PDE3A: variants seen among roughly 807,000 people sequenced by gnomAD.
The protein encoded by PDE3A is phosphodiesterase 3A.
PDE3A carries 43 observed loss-of-function variants against 98.3 expected under a neutral mutation model. The ratio of observed to expected loss-of-function variants is 0.44; its 90% CI spans 0.34 to 0.56. PDE3A has a LOEUF of 0.56. Ranked by LOEUF, PDE3A falls within the 20% of genes least tolerant of loss-of-function variation. PDE3A has a pLI of 0.01. For missense variants in PDE3A, 1,427 were observed against 1,440.7 expected, an observed-to-expected ratio of 0.99 and a Z score of 0.15; for synonymous variants, 663 against 567.9, an observed-to-expected ratio of 1.17 and a Z score of -2.38.
At chr12:20,427,111 A>T (rs923478574) in intron 1 of PDE3A, among the ~76,000 whole-genome samples, 2 of 152,224 alleles carry the variant, frequency 1.3e-5, no homozygotes, top group Admixed American at 6.5e-5. Flanking sequence ...AATTTCAGAA[A>T]TTCTTCCAAT....
intron 4 of PDE3A, among the ~76,000 whole-genome samples, chr12:20,618,137 G>C (rs1000440683): frequency 6.6e-6 from 1 of 152,044 alleles, no homozygotes; most frequent in Non-Finnish European, 1.5e-5. Flanking sequence ...GAAAAGTACT[G>C]ATGTAAAAAT....
chr12:20,665,928 G>C (rs1017620358), intron 15 of PDE3A, among the ~76,000 whole-genome samples: 9 of 148,584 alleles, frequency 6.1e-5, no homozygotes, highest in South Asian at 2.2e-4. Context: ...AGGATATTTA[G>C]AATATCTGTC....
At chr12:20,424,486 T>C (rs181342339) in intron 1 of PDE3A, among the ~76,000 whole-genome samples, 58 of 152,306 alleles carry the variant, frequency 3.8e-4, no homozygotes, top group Non-Finnish European at 7.1e-4. Flanking sequence ...TTTAAACATA[T>C]GTTCAGGATT....
intron 1 of PDE3A, among the ~76,000 whole-genome samples, chr12:20,503,675 A>T (rs1406033978): frequency 1.3e-5 from 2 of 152,170 alleles, no homozygotes; most frequent in East Asian, 3.9e-4. Context: ...GTCCAGATGC[A>T]TGTTATTATG....
At chr12:20,592,784 G>C (rs1267986151) in intron 2 of PDE3A, among the ~76,000 whole-genome samples, 1 of 152,176 alleles carries the variant, frequency 6.6e-6, no homozygotes, top group Non-Finnish European at 1.5e-5. Flanking sequence ...GTAGGAGGTT[G>C]TGAGGACTAG....
chr12:20,422,314 A>G (rs1052095506), intron 1 of PDE3A, among the ~76,000 whole-genome samples: 1 of 152,064 alleles, frequency 6.6e-6, no homozygotes, highest in Non-Finnish European at 1.5e-5. Flanking sequence ...ACTGCACTCC[A>G]GCCTGGGCAA....
Position 20,634,958 on chromosome 12 carries a change from G to C in PDE3A, c.1903G>C (p.Asp635His), listed in dbSNP as rs1177411012. Residue 635 changes from aspartate to histidine, a missense_variant, in exon 8 of 16, where the codon GAC (aspartate) becomes CAC (histidine). Physicochemically the swap from Asp to His is moderately conservative, Grantham distance 81. Coordinates refer to ENST00000359062, the MANE Select transcript of PDE3A (RefSeq NM_000921.5). ...AACCAATAACAACAGTGACAGCAGTGACATTGTACAGAATGAAGATGAAAC... is the reference window on the plus strand; with the variant it reads ...AACCAATAACAACAGTGACAGCAGTCACATTGTACAGAATGAAGATGAAAC... ...YETNNNSDSS[D>H]IVQNEDETEC... The C allele has an allele frequency of 1.9e-6, 3 of 1,611,206 alleles. No homozygotes were observed. Among genetic ancestry groups the C allele is most frequent in the Non-Finnish European group, 2.5e-6 (3 of 1,177,534 alleles).
intron 1 of PDE3A, among the ~76,000 whole-genome samples, chr12:20,452,162 GCAT>G (rs1945076183): frequency 6.6e-6 from 1 of 152,188 alleles, no homozygotes; most frequent in Non-Finnish European, 1.5e-5. Context: ...TCCTCTGCAT[GCAT>G]CAGACTAGTT....
intron 1 of PDE3A, among the ~76,000 whole-genome samples, chr12:20,514,291 A>G (rs1946277426): frequency 6.6e-6 from 1 of 151,562 alleles, no homozygotes; most frequent in Non-Finnish European, 1.5e-5. Context: ...ACTGATTGAC[A>G]TGGTTTGGGA....
At position 20,552,379 on chromosome 12, in the gene PDE3A, G is replaced by T; in HGVS notation, c.961-4281G>T. Reference sequence around the variant, plus strand: ...GTGGCGCTACCTTCTGCGGAGGGACGATGATGAGCCCGGCCCTTGGACGAA... The same window carrying T: ...GTGGCGCTACCTTCTGCGGAGGGACTATGATGAGCCCGGCCCTTGGACGAA... On this transcript the variant is annotated intron_variant, in intron 1 of 15. Coordinates refer to ENST00000359062, the MANE Select transcript of PDE3A (RefSeq NM_000921.5). The surrounding 1 kb of genome is among the most constrained non-coding windows in gnomAD (Gnocchi z 5.1). 1.2e-6 allele frequency: 2 copies of T among 1,613,628 alleles called. No homozygotes were observed. The highest frequency in any genetic ancestry group is 3.3e-5 in the Admixed American group (2 of 60,016).
intron 1 of PDE3A, among the ~76,000 whole-genome samples, chr12:20,377,006 A>C (rs79449831): frequency 0.023 from 3,428 of 151,816 alleles, 59 homozygotes; most frequent in East Asian, 0.038. Context: ...AAGGGCACTC[A>C]TGTTCTTTCC....
At chr12:20,610,738 C>T (rs897005101) in intron 2 of PDE3A, among the ~76,000 whole-genome samples, 1 of 151,882 alleles carries the variant, frequency 6.6e-6, no homozygotes, top group Non-Finnish European at 1.5e-5. Flanking sequence ...TTTGCCATAA[C>T]ATAGATGGAC....
rs1945921903 is a variant in PDE3A, at chr12:20,685,184, T to C, written c.*4913T>C. Among the ~76,000 whole-genome samples, 1 of 151,982 alleles carries C rather than the reference T, an allele frequency of 6.6e-6. No individual in the cohort carries two copies. The highest frequency in any genetic ancestry group is 2.1e-4 in the South Asian group (1 of 4,824). ...TCCCAGCACTTTGGGAGGCCAAGGC[T>C]GGTGGATCACCTGAGGTCGGGAGTT... On this transcript the variant is annotated 3_prime_UTR_variant, in exon 16 of 16. Coordinates refer to ENST00000359062, the MANE Select transcript of PDE3A (RefSeq NM_000921.5).
intron 1 of PDE3A, among the ~76,000 whole-genome samples, chr12:20,428,074 T>C (rs977336863): frequency 8.2e-4 from 125 of 152,140 alleles, no homozygotes; most frequent in Non-Finnish European, 9.3e-4. Flanking sequence ...TAAGGAATTG[T>C]TTCTATACAT....
chr12:20,440,017 T>C (rs1021730088), intron 1 of PDE3A, among the ~76,000 whole-genome samples: 23 of 152,200 alleles, frequency 1.5e-4, no homozygotes, highest in Admixed American at 1.3e-4. Context: ...TCTGTGTACA[T>C]TCTTTCTGAT....
In PDE3A at chr12:20,613,558, C is replaced by T. The variant is rs754794380; in HGVS notation, c.1127C>T (p.Ala376Val). 5.6e-6 allele frequency: 9 copies of T among 1,614,034 alleles called. No homozygotes were observed. Among genetic ancestry groups the T allele is most frequent in the Middle Eastern group, 1.6e-4 (1 of 6,082 alleles). Residue 376 changes from alanine (A) to valine (V), a missense_variant, in exon 3 of 16, where the codon GCC becomes GTC. By Grantham distance (64) the Ala-to-Val change is moderately conservative. Around this residue, in one of 3 missense-constraint regions of PDE3A, gnomAD observed 1,012 missense variants for 886.5 expected, o/e 1.14. Coordinates refer to ENST00000359062, the MANE Select transcript of PDE3A (RefSeq NM_000921.5). ...LPPNVCTSLRAVSNLLSTQLT... is the reference protein window; with the variant it reads ...LPPNVCTSLRVVSNLLSTQLT... ...CCAAACGTGTGCACATCCTTGAGAG[C>T]CGTGAGCAACTTGCTCAGCACACAG...
rs945420939 is a variant in PDE3A at position 20,543,297 on chromosome 12, G to A, written c.961-13363G>A. Among the ~76,000 whole-genome samples the A allele has an allele frequency of 8.6e-5, 13 of 151,290 alleles. No homozygotes were observed. In the East Asian group the frequency reaches 1.5e-3, roughly 18 times the overall value. ...AACAGGCCTAACTATCAATTGCATT[G>A]GAAATTTGATTGTGTTTCCAACTAA... On this transcript the variant is annotated intron_variant, in intron 1 of 15. Transcript: ENST00000359062.
chr12:20,654,165 A>C lies in PDE3A; in HGVS notation c.3144A>C (p.Ala1048=). Residue 1048 remains alanine (A), a synonymous_variant, in exon 15 of 16, where the codon GCA becomes GCC. Coordinates refer to ENST00000359062, the MANE Select transcript of PDE3A (RefSeq NM_000921.5). Reference sequence around the variant, plus strand: ...AAGAAGAGGAGGAAGAAGCACCAGCACCAAATGAAGAGGAAACCTGTGAAA... The same window carrying C: ...AAGAAGAGGAGGAAGAAGCACCAGCCCCAAATGAAGAGGAAACCTGTGAAA... ...DPEEEEEEAP[A]PNEEETCENN... 6.2e-7 allele frequency: 1 copy of C among 1,614,164 alleles called. No individual in the cohort carries two copies. Among genetic ancestry groups the C allele is most frequent in the Non-Finnish European group, 8.5e-7 (1 of 1,179,990 alleles).
chr12:20,643,875 C>A (rs1313912922), intron 10 of PDE3A, among the ~76,000 whole-genome samples: 1 of 151,736 alleles, frequency 6.6e-6, no homozygotes, highest in African/African-American at 2.4e-5. Flanking sequence ...TGGGCCTGGG[C>A]CTTGGGGTGG....
Sources: allele counts gnomAD v4.1 joint callset (sites outside exome capture counted in the v4.1 genomes callset), GRCh38; gene constraint gnomAD v4.1.1; regional missense constraint gnomAD v4.1.1; non-coding constraint Gnocchi (gnomAD v3.1); transcripts MANE v1.5; gene names NCBI Gene and HGNC (gene_info 2026-07-23, HGNC 2026-07-21).